The following OSBP2 variants were observed in gnomAD, a reference collection of about 807,000 sequenced individuals.
OSBP2 encodes the protein oxysterol-binding protein 2.
Under a neutral mutation model 96.0 loss-of-function variants are expected in OSBP2, and 66 were observed. That is an observed-to-expected ratio of 0.69 (90% CI 0.56 to 0.84). The LOEUF is 0.84. OSBP2 is among the 40% of genes least tolerant of loss of function. The pLI is 0.00. For synonymous variants in OSBP2, 525 were observed against 520.9 expected, an observed-to-expected ratio of 1.01 and a Z score of -0.11; for missense variants, 1,038 against 1,222.7, an observed-to-expected ratio of 0.85 and a Z score of 2.25.
chr22:30,902,125 CGAAAAAAAAA>C (rs2040216733), intron 12 of OSBP2: 6 of 233,088 alleles, frequency 2.6e-5, no homozygotes, highest in African/African-American at 8.8e-5. Context: ...AAAAAAAAAA[CGAAAAAAAAA>C]AAACCAAAAA....
rs147460903 is a variant in OSBP2, at chr22:30,885,246, C to A, written c.1108-2180C>A. 7.3e-3 allele frequency among the ~76,000 whole-genome samples: 1,114 copies of A among 152,232 alleles called. 7 individuals are homozygous for A. The highest frequency in any genetic ancestry group is 0.012 in the Non-Finnish European group (783 of 68,000). Reference sequence around the variant, plus strand: ...GGGGCAATTGGGTGGGGAGGAAGTGCTGGGGAGTGGCAGCTGGGGCCACTG... The same window carrying A: ...GGGGCAATTGGGTGGGGAGGAAGTGATGGGGAGTGGCAGCTGGGGCCACTG... On this transcript the variant is annotated intron_variant, in intron 3 of 13. Coordinates refer to ENST00000332585, the MANE Select transcript of OSBP2 (RefSeq NM_030758.4).
At chr22:30,800,934 G>T (rs1402605507) in intron 2 of OSBP2, among the ~76,000 whole-genome samples, 1 of 152,298 alleles carries the variant, frequency 6.6e-6, no homozygotes, top group South Asian at 2.1e-4. Context: ...GTGTGAGTGT[G>T]TTTAGAAATT....
intron 2 of OSBP2, among the ~76,000 whole-genome samples, chr22:30,848,061 G>T (rs2038907218): frequency 6.6e-6 from 1 of 152,018 alleles, no homozygotes; most frequent in Admixed American, 6.6e-5. Flanking sequence ...CACTGACTAT[G>T]TCTTAAAGGT....
chr22:30,905,971 C>T lies in OSBP2; in HGVS notation c.2510C>T (p.Ala837Val). The change falls in exon 13 of 14, where the codon GCC becomes GTC. Residue 837 changes from alanine (A) to valine (V), a missense_variant. Physicochemically the swap from Ala to Val is moderately conservative, Grantham distance 64. Around this residue, in one of 3 missense-constraint regions of OSBP2, gnomAD observed 737 missense variants for 913.3 expected, o/e 0.81. Transcript: ENST00000332585. ...ATGGAGAAGGGCCGTTGGGACGAGG[C>T]CAATACCGAGAAGCAGCGGCTGGAG... Reference protein sequence around the residue: ...RLMEKGRWDEANTEKQRLEEK... With the variant: ...RLMEKGRWDEVNTEKQRLEEK... The T allele has an allele frequency of 6.2e-7, 1 of 1,608,536 alleles. No homozygotes were observed. The highest frequency in any genetic ancestry group is 1.1e-5 in the South Asian group (1 of 90,538).
In OSBP2 at chr22:30,906,532, TCTCC is replaced by T; in HGVS notation, c.*194_*197del. 1.6e-6 allele frequency: 1 copy of T among 618,704 alleles called. No homozygotes were observed. Among genetic ancestry groups the T allele is most frequent in the Non-Finnish European group, 2.5e-6 (1 of 394,432 alleles). 38.3% of individuals were successfully genotyped at this position (618,704 alleles called of 1,614,324 possible). A position where few individuals can be genotyped will look rare whatever the true frequency, so the allele number is the denominator to read the frequency against. The stretch of plus-strand genomic sequence containing the variant: ...AAGGAGGAAGGGCTGACCTGGGTTC[TCTCC>T]AGCCCCCAGGTGCGCCGGGTCACCC... On this transcript the variant is annotated 3_prime_UTR_variant, in exon 14 of 14. Transcript: ENST00000332585.
intron 2 of OSBP2, among the ~76,000 whole-genome samples, chr22:30,856,430 A>G (rs2039081103): frequency 7.9e-6 from 1 of 126,202 alleles, no homozygotes; most frequent in Non-Finnish European, 1.6e-5. Flanking sequence ...TCTGTAGCCC[A>G]GGTTGGAGTG....
At position 30,889,639 on chromosome 22, in the gene OSBP2, G is replaced by T; in HGVS notation, c.1623+3G>T. 6.2e-7 allele frequency: 1 copy of T among 1,613,840 alleles called. No homozygotes were observed. On this transcript the variant is annotated splice_donor_region_variant and intron_variant, in intron 7 of 13. Coordinates refer to ENST00000332585, the MANE Select transcript of OSBP2 (RefSeq NM_030758.4). Reference sequence around the variant, plus strand: ...AGCTCTCCAGGATCCCCATGCCGGTGGGTGGCTCGGGCAGGGCAGCCCCGA... The same window carrying T: ...AGCTCTCCAGGATCCCCATGCCGGTTGGTGGCTCGGGCAGGGCAGCCCCGA...
chr22:30,813,857 C>T (rs1195814614), intron 2 of OSBP2, among the ~76,000 whole-genome samples: 2 of 151,560 alleles, frequency 1.3e-5, no homozygotes, highest in Non-Finnish European at 2.9e-5. Context: ...GGCTAGAGTG[C>T]AATGGCATGA....
chr22:30,836,490 C>G (rs571793864), intron 2 of OSBP2, among the ~76,000 whole-genome samples: 1 of 152,320 alleles, frequency 6.6e-6, no homozygotes, highest in Admixed American at 6.5e-5. Context: ...AGTTGAAGAC[C>G]TTTCCTCCTT....
intron 2 of OSBP2, among the ~76,000 whole-genome samples, chr22:30,862,753 C>T (rs1318091323): frequency 6.6e-6 from 1 of 151,968 alleles, no homozygotes; most frequent in Non-Finnish European, 1.5e-5. Context: ...GTGGGTGGAT[C>T]ACAAGGTCAG....
intron 2 of OSBP2, among the ~76,000 whole-genome samples, chr22:30,827,682 C>T (rs960797965): frequency 7.9e-5 from 12 of 152,122 alleles, no homozygotes; most frequent in Admixed American, 5.9e-4. Flanking sequence ...ACCATGGGCC[C>T]GTGGGCATGG....
intron 2 of OSBP2, among the ~76,000 whole-genome samples, chr22:30,786,961 G>T (rs1022357815): frequency 6.6e-6 from 1 of 152,006 alleles, no homozygotes; most frequent in South Asian, 2.1e-4. Flanking sequence ...ACCACACCAG[G>T]CTAATTTTTT....
intron 2 of OSBP2, chr22:30,802,976 G>A (rs1355930348): frequency 6.5e-6 from 1 of 153,880 alleles, no homozygotes; most frequent in Non-Finnish European, 1.5e-5. Context: ...GGCGGACCCG[G>A]AGCCGCCGGG....
intron 2 of OSBP2, among the ~76,000 whole-genome samples, chr22:30,761,191 A>G (rs1362728642): frequency 1.3e-5 from 2 of 152,228 alleles, no homozygotes; most frequent in African/African-American, 2.4e-5. Context: ...TGCAAGCGAC[A>G]TGATGGCTGT....
intron 2 of OSBP2, among the ~76,000 whole-genome samples, chr22:30,798,149 A>G (rs1454483768): frequency 6.6e-6 from 1 of 152,066 alleles, no homozygotes; most frequent in Non-Finnish European, 1.5e-5. Flanking sequence ...GTGGTATCTC[A>G]TTGTGCTTTT....
At chr22:30,731,755 G>A (rs1316780689) in intron 1 of OSBP2, 2 of 154,348 alleles carry the variant, frequency 1.3e-5, no homozygotes, top group Non-Finnish European at 2.9e-5. Flanking sequence ...AGTGACAGAA[G>A]CCATTTCCTG....
At chr22:30,740,770 C>T (rs186642641) in intron 1 of OSBP2, among the ~76,000 whole-genome samples, 1 of 152,324 alleles carries the variant, frequency 6.6e-6, no homozygotes. Flanking sequence ...AGCCACCGCG[C>T]CTGGCCCCAA....
intron 2 of OSBP2, among the ~76,000 whole-genome samples, chr22:30,819,271 G>T (rs1189997101): frequency 6.6e-6 from 1 of 152,192 alleles, no homozygotes; most frequent in Non-Finnish European, 1.5e-5. Context: ...GGAGGCAGAG[G>T]TTACAGTGAG....
At chr22:30,812,458 GC>G (rs1205747950) in intron 2 of OSBP2, among the ~76,000 whole-genome samples, 1 of 152,146 alleles carries the variant, frequency 6.6e-6, no homozygotes, top group African/African-American at 2.4e-5. Context: ...GAGCCATCAC[GC>G]CTGGCCTCAT....
Sources: allele counts gnomAD v4.1 joint callset (sites outside exome capture counted in the v4.1 genomes callset), GRCh38; gene constraint gnomAD v4.1.1; regional missense constraint gnomAD v4.1.1; transcripts MANE v1.5; gene names NCBI Gene and HGNC (gene_info 2026-07-23, HGNC 2026-07-21).